CPD: variants seen among roughly 807,000 people sequenced by gnomAD.
CPD encodes the protein carboxypeptidase D.
Under a neutral mutation model 138.3 loss-of-function variants are expected in CPD, and 69 were observed. That is an observed-to-expected ratio of 0.50 (90% CI 0.41 to 0.61). The LOEUF is 0.61. CPD is among the 20% of genes least tolerant of loss of function. The pLI, the probability that CPD is intolerant of heterozygous loss-of-function variation, is 0.00. For synonymous variants in CPD, 651 were observed against 642.1 expected (o/e 1.01, Z -0.21); for missense variants, 1,432 against 1,733.3 (o/e 0.83, Z 3.09).
rs1443599867 is a variant in CPD at position 30,422,660 on chromosome 17, A to G, written c.1308-14A>G. The G allele has an allele frequency of 6.4e-7, 1 of 1,562,894 alleles. No homozygotes were observed. On this transcript the variant is annotated splice_polypyrimidine_tract_variant and intron_variant, in intron 4 of 20. Transcript: ENST00000225719. ...TAACTATAAACCATTTACTTTTTCA[A>G]ATTTTTTTTTCAGGTATATGCCATT...
In CPD at chr17:30,464,965, C is replaced by A. The variant is rs1229972225; in HGVS notation, c.*151C>A. ...AAATTTGTATTCTCTGTGAATTTCA[C>A]TGGCAGTTTTGAACTTCCCTTCCTT... On this transcript the variant is annotated 3_prime_UTR_variant, in exon 21 of 21. Coordinates refer to ENST00000225719, the MANE Select transcript of CPD (RefSeq NM_001304.5). The A allele has an allele frequency of 1.2e-5, 8 of 663,336 alleles. No homozygotes were observed. Among genetic ancestry groups the A allele is most frequent in the Non-Finnish European group, 1.5e-5 (6 of 393,550 alleles). The allele number at this position is 663,336 out of a possible 1,614,324, so 41.1% of individuals were successfully genotyped here. A position where few individuals can be genotyped will look rare whatever the true frequency, so the allele number is the denominator to read the frequency against.
chr17:30,457,431 G>A (rs1400891837), intron 17 of CPD, among the ~76,000 whole-genome samples: 1 of 152,122 alleles, frequency 6.6e-6, no homozygotes, highest in East Asian at 1.9e-4. Context: ...GGTATTGCAG[G>A]TATCTGTTTG....
At chr17:30,386,537 C>T (rs987577332) in intron 2 of CPD, among the ~76,000 whole-genome samples, 1 of 152,060 alleles carries the variant, frequency 6.6e-6, no homozygotes, top group Non-Finnish European at 1.5e-5. Context: ...ACCATCACCA[C>T]TATTTCTAAA....
At chr17:30,381,413 C>G (rs1302582313) in intron 1 of CPD, among the ~76,000 whole-genome samples, 1 of 152,056 alleles carries the variant, frequency 6.6e-6, no homozygotes, top group Non-Finnish European at 1.5e-5. Context: ...TGAAAATAAG[C>G]TTTTTCTTGG....
At chr17:30,437,050 A>G (rs1467891938) in intron 8 of CPD, among the ~76,000 whole-genome samples, 2 of 149,374 alleles carry the variant, frequency 1.3e-5, no homozygotes, top group South Asian at 2.2e-4. Flanking sequence ...TTCAGTTTAT[A>G]TGTAATGTTC....
Position 30,443,848 on chromosome 17 carries a change from G to T in CPD, c.2420G>T (p.Arg807Met), listed in dbSNP as rs758213281. The change falls in exon 11 of 21, where the codon AGG becomes ATG. Residue 807 changes from arginine (R) to methionine (M), a missense_variant. This residue lies in a region of CPD where 297 missense variants were observed against 405.3 expected (regional missense o/e 0.73). Transcript: ENST00000225719. ...RGFVLDATDG[R>M]GILNATISVA... ...TTTGTTCTAGATGCCACAGATGGCA[G>T]GGGTATATTAAATGCCACCATTAGT... The T allele has an allele frequency of 1.2e-4, 196 of 1,613,740 alleles. No individual in the cohort carries two copies. The highest frequency in any genetic ancestry group is 1.6e-4 in the Non-Finnish European group (187 of 1,179,826).
chr17:30,464,777 A>G lies in CPD; in HGVS notation c.4106A>G (p.Asp1369Gly), dbSNP rs752801112. The change falls in exon 21 of 21, where the codon GAC becomes GGC. Residue 1369 changes from aspartate to glycine, a missense_variant. Asp to Gly is a moderately conservative substitution (Grantham distance 94). This residue lies in a region of CPD where 366 missense variants were observed against 518.8 expected (regional missense o/e 0.71). Coordinates refer to ENST00000225719, the MANE Select transcript of CPD (RefSeq NM_001304.5). The stretch of plus-strand genomic sequence containing the variant: ...AGCCATGAGTTCCAGGATGAAACAG[A>G]CACTGAAGAGGAAACATTATATTCT... Reference protein sequence around the residue: ...LLSHEFQDETDTEEETLYSSK... With the variant: ...LLSHEFQDETGTEEETLYSSK... The G allele has an allele frequency of 6.2e-7, 1 of 1,613,982 alleles. No homozygotes were observed. The highest frequency in any genetic ancestry group is 8.5e-7 in the Non-Finnish European group (1 of 1,179,872).
At position 30,443,789 on chromosome 17, in the gene CPD, G is replaced by T. The variant is rs367896921; in HGVS notation, c.2374-13G>T. 2.5e-6 allele frequency: 4 copies of T among 1,600,230 alleles called. No individual in the cohort carries two copies. The highest frequency in any genetic ancestry group is 1.7e-5 in the Admixed American group (1 of 59,086). ...TTTATTATTGAAATCTGGTGTCCTT[G>T]TACTTAATCCAGGTTCATCAGGGCG... On this transcript the variant is annotated splice_polypyrimidine_tract_variant and intron_variant, in intron 10 of 20. Coordinates refer to ENST00000225719, the MANE Select transcript of CPD (RefSeq NM_001304.5).
At chr17:30,425,610 G>A (rs1370231095) in intron 6 of CPD, among the ~76,000 whole-genome samples, 1 of 149,978 alleles carries the variant, frequency 6.7e-6, no homozygotes, top group African/African-American at 2.5e-5. Flanking sequence ...GAGCCGAGAT[G>A]GCGCCACTGC....
chr17:30,380,087 C>G (rs1023851760), intron 1 of CPD: 1 of 211,328 alleles, frequency 4.7e-6, no homozygotes, highest in African/African-American at 2.3e-5. Flanking sequence ...TATCTTATAT[C>G]AAAAGTGCCT....
rs1913732759 is a variant in CPD, at chr17:30,469,616, T to C, written c.*4802T>C. ...CTGTTTATAGGTGATCTTTTTAATTTAGAAGAAATTCTGAGACACAAATAA... is the reference window on the plus strand; with the variant it reads ...CTGTTTATAGGTGATCTTTTTAATTCAGAAGAAATTCTGAGACACAAATAA... On this transcript the variant is annotated 3_prime_UTR_variant, in exon 21 of 21. Coordinates refer to ENST00000225719, the MANE Select transcript of CPD (RefSeq NM_001304.5). 6.6e-6 allele frequency: 1 copy of C among 152,224 alleles called. No homozygotes were observed. The highest frequency in any genetic ancestry group is 2.4e-5 in the African/African-American group (1 of 41,474). 9.4% of individuals were successfully genotyped at this position (152,224 alleles called of 1,614,324 possible).
intron 15 of CPD, chr17:30,456,053 G>C: frequency 1.8e-6 from 1 of 550,448 alleles, no homozygotes; most frequent in Non-Finnish European, 3.2e-6. Context: ...CTCACCATTA[G>C]AACCTTTTCA....
rs1301042051 is a variant in CPD, at chr17:30,467,359, T to C, written c.*2545T>C. Reference sequence around the variant, plus strand: ...TTGAGTAGGTAATGTTCAAAGTGTCTGCCTGTGTACATGTACTTGTATTGA... The same window carrying C: ...TTGAGTAGGTAATGTTCAAAGTGTCCGCCTGTGTACATGTACTTGTATTGA... On this transcript the variant is annotated 3_prime_UTR_variant, in exon 21 of 21. Coordinates refer to ENST00000225719, the MANE Select transcript of CPD (RefSeq NM_001304.5). The C allele has an allele frequency of 3.3e-5, 5 of 152,440 alleles. No homozygotes were observed. The East Asian group carries it at 9.6e-4, about 29-fold the overall frequency. 9.4% of individuals were successfully genotyped at this position (152,440 alleles called of 1,614,324 possible).
intron 2 of CPD, among the ~76,000 whole-genome samples, chr17:30,406,641 G>T (rs1200288907): frequency 6.6e-6 from 1 of 152,100 alleles, no homozygotes; most frequent in Non-Finnish European, 1.5e-5. Context: ...ATAGACAAAA[G>T]AATGCTAGGA....
At position 30,415,157 on chromosome 17, in the gene CPD, G is replaced by C. The variant is rs559859243; in HGVS notation, c.995-5684G>C. On this transcript the variant is annotated intron_variant, in intron 2 of 20. Coordinates refer to ENST00000225719, the MANE Select transcript of CPD (RefSeq NM_001304.5). ...TTCTCAAGCCTAAAATCTAGAAGTC[G>C]TCCTTGATTTCTTCCTTCTACATCC... 3.9e-5 allele frequency among the ~76,000 whole-genome samples: 6 copies of C among 152,182 alleles called. No individual in the cohort carries two copies. The South Asian group carries it at 8.3e-4, about 21-fold the overall frequency.
chr17:30,444,058 G>A, intron 11 of CPD, 87 bp downstream of exon 11: 1 of 1,391,598 alleles, frequency 7.2e-7, no homozygotes, highest in Non-Finnish European at 9.9e-7. Flanking sequence ...GTTCTAGAGA[G>A]CCTGTTAAGC....
At chr17:30,385,628 G>A (rs1911165445) in intron 2 of CPD, among the ~76,000 whole-genome samples, 1 of 151,672 alleles carries the variant, frequency 6.6e-6, no homozygotes, top group Admixed American at 6.6e-5. Context: ...CCAAGTACAG[G>A]GACATTTTCC....
At chr17:30,461,602 T>G (rs116455731) in intron 18 of CPD, among the ~76,000 whole-genome samples, 1,562 of 152,266 alleles carry the variant, frequency 0.01, 36 homozygotes, top group African/African-American at 0.036. Context: ...ACTCAAGGCA[T>G]TGGAAGATTG....
intron 6 of CPD, among the ~76,000 whole-genome samples, chr17:30,424,135 A>G (rs1238046859): frequency 6.6e-6 from 1 of 152,112 alleles, no homozygotes; most frequent in African/African-American, 2.4e-5. Context: ...TTAAGAAGAC[A>G]TGAGACATCA....
Sources: allele counts gnomAD v4.1 joint callset (sites outside exome capture counted in the v4.1 genomes callset), GRCh38; gene constraint gnomAD v4.1.1; regional missense constraint gnomAD v4.1.1; transcripts MANE v1.5; gene names NCBI Gene and HGNC (gene_info 2026-07-23, HGNC 2026-07-21).